TCF3: variants seen among roughly 807,000 people sequenced by gnomAD.
The protein encoded by TCF3 is transcription factor 3.
A neutral mutation model predicts 72.3 loss-of-function variants in TCF3; 54 were observed. The ratio of observed to expected loss-of-function variants is 0.75; its 90% CI spans 0.60 to 0.94. The LOEUF is 0.94. TCF3 is among the 40% of genes least tolerant of loss of function. TCF3 has a pLI of 0.00. For missense variants in TCF3, 1,078 were observed against 934.4 expected, an observed-to-expected ratio of 1.15 and a Z score of -2.00; for synonymous variants, 525 against 412.6, an observed-to-expected ratio of 1.27 and a Z score of -3.30.
Position 1,609,668 on chromosome 19 carries a change from CGTAGGGGAA to C in TCF3, c.*2030_*2038del. 4.4e-6 allele frequency: 1 copy of C among 224,790 alleles called. No homozygotes were observed. Among genetic ancestry groups the C allele is most frequent in the Non-Finnish European group, 8.8e-6 (1 of 113,318 alleles). The allele number at this position is 224,790 out of a possible 1,614,324, so 13.9% of individuals were successfully genotyped here. On this transcript the variant is annotated 3_prime_UTR_variant, in exon 19 of 19. Coordinates refer to ENST00000262965, the MANE Select transcript of TCF3 (RefSeq NM_003200.5). The stretch of plus-strand genomic sequence containing the variant: ...CCCTTAAGAGATCAAACTCCCAGGG[CGTAGGGGAA>C]GCCACCGAGAAGGGAGAGGCAGCCG...
chr19:1,622,426 GTGGGCGGT>G lies in TCF3; in HGVS notation c.550-19_550-12del. On this transcript the variant is annotated splice_polypyrimidine_tract_variant and intron_variant, in intron 8 of 18. Coordinates refer to ENST00000262965, the MANE Select transcript of TCF3 (RefSeq NM_003200.5). ...GCTGGGTGGGTACACCTGCGGGCGG[GTGGGCGGT>G]GGGGGGTGCAGTCAGGACGGAGGGA... 7.4e-7 allele frequency: 1 copy of G among 1,350,770 alleles called. No individual in the cohort carries two copies. The highest frequency in any genetic ancestry group is 9.9e-7 in the Non-Finnish European group (1 of 1,012,062). The allele number at this position is 1,350,770 out of a possible 1,614,324, so 83.7% of individuals were successfully genotyped here.
Position 1,615,709 on chromosome 19 carries a change from C to T in TCF3, c.1563G>A (p.Leu521=), listed in dbSNP as rs1242183808. Residue 521 remains leucine, a synonymous_variant, in exon 17 of 19, where the codon CTG becomes CTA. Coordinates refer to ENST00000262965, the MANE Select transcript of TCF3 (RefSeq NM_003200.5). The surrounding 1 kb of genome is among the most constrained non-coding windows in gnomAD (Gnocchi z 7.3). ...ACCTGGTCCGGGCCCGGGGGGCCTTCAGCTCCTTCTTCTCCTCCTCCGAGT... is the reference window on the plus strand; with the variant it reads ...ACCTGGTCCGGGCCCGGGGGGCCTTTAGCTCCTTCTTCTCCTCCTCCGAGT... ...ADHSEEEKKE[L]KAPRARTSPD... 3 of 1,613,408 alleles carry T rather than the reference C, an allele frequency of 1.9e-6. No homozygotes were observed. Among genetic ancestry groups the T allele is most frequent in the Non-Finnish European group, 1.7e-6 (2 of 1,179,634 alleles).
At chr19:1,632,843 G>A in intron 3 of TCF3, among the ~76,000 whole-genome samples, 1 of 152,232 alleles carries the variant, frequency 6.6e-6, no homozygotes, top group East Asian at 1.9e-4. Context: ...CAGCATGAGG[G>A]TGTGGAAGCT....
At chr19:1,639,205 G>A (rs1411028785) in intron 3 of TCF3, among the ~76,000 whole-genome samples, 3 of 152,198 alleles carry the variant, frequency 2.0e-5, no homozygotes, top group Non-Finnish European at 4.4e-5. Context: ...TACCATGCCT[G>A]GCTAATTTTT....
At chr19:1,650,793 A>G (rs924072990) in intron 1 of TCF3, 3 of 230,592 alleles carry the variant, frequency 1.3e-5, no homozygotes, top group Non-Finnish European at 1.7e-5. Context: ...GTCGCCCCCA[A>G]ATTCAACATG....
Position 1,611,698 on chromosome 19 carries a change from G to A in TCF3, c.*9C>T, listed in dbSNP as rs1334137461. The A allele has an allele frequency of 6.2e-7, 1 of 1,611,462 alleles. No individual in the cohort carries two copies. The highest frequency in any genetic ancestry group is 8.5e-7 in the Non-Finnish European group (1 of 1,178,650). Reference sequence around the variant, plus strand: ...AAAGCGGGTGGCTCGTCCCACGGAGGCATACCTTTCACATGTGCCCGGCGG... The same window carrying A: ...AAAGCGGGTGGCTCGTCCCACGGAGACATACCTTTCACATGTGCCCGGCGG... On this transcript the variant is annotated 3_prime_UTR_variant, in exon 19 of 19. Transcript: ENST00000262965.
chr19:1,617,980 G>A (rs1219374483), intron 16 of TCF3, among the ~76,000 whole-genome samples: 1 of 152,164 alleles, frequency 6.6e-6, no homozygotes, highest in Non-Finnish European at 1.5e-5. Context: ...TACTTGGAAA[G>A]TCTGCCTGGA....
rs1182709469 is a variant in TCF3, at chr19:1,627,513, GC to G, written c.299-88del. ...AGTGCCTGCCATGTGCCTACAATAG[GC>G]TCTCAGTAAGTGCACACGACTGAGA... On this transcript the variant is annotated intron_variant, in intron 5 of 18. Coordinates refer to ENST00000262965, the MANE Select transcript of TCF3 (RefSeq NM_003200.5). The G allele has an allele frequency of 4.0e-6, 5 of 1,236,682 alleles. No homozygotes were observed. The East Asian group carries it at 1.2e-4, about 29-fold the overall frequency. The allele number at this position is 1,236,682 out of a possible 1,614,324, so 76.6% of individuals were successfully genotyped here.
intron 11 of TCF3, among the ~76,000 whole-genome samples, chr19:1,621,433 C>G (rs770072750): frequency 6.6e-6 from 1 of 151,888 alleles, no homozygotes. Flanking sequence ...GTGGGTGAGT[C>G]CCCCTCTGGG....
At chr19:1,647,054 C>T (rs999619741) in intron 2 of TCF3, among the ~76,000 whole-genome samples, 12 of 152,142 alleles carry the variant, frequency 7.9e-5, no homozygotes, top group South Asian at 2.1e-4. Context: ...GAGGAAGACA[C>T]GGGATGGAGC....
At position 1,615,569 on chromosome 19, in the gene TCF3, G is replaced by T; in HGVS notation, c.1587-49C>A. 1 of 1,604,952 alleles carries T rather than the reference G, an allele frequency of 6.2e-7. No homozygotes were observed. On this transcript the variant is annotated intron_variant, in intron 17 of 18. Coordinates refer to ENST00000262965, the MANE Select transcript of TCF3 (RefSeq NM_003200.5). The surrounding 1 kb of genome is among the most constrained non-coding windows in gnomAD (Gnocchi z 7.3). ...GGCCAGAGGGAGACAGTGAGGTTGG[G>T]GGAAGAGCGTGGGGCCCGCCGACGG...
At chr19:1,632,536 A>C in intron 3 of TCF3, 131 bp from the exon 4 acceptor site, 1 of 848,556 alleles carries the variant, frequency 1.2e-6, no homozygotes, top group South Asian at 1.7e-5. Flanking sequence ...ACCCAGCCTC[A>C]CCCAGCCCGA....
intron 3 of TCF3, among the ~76,000 whole-genome samples, chr19:1,641,852 CA>C (rs2065290360): frequency 6.6e-6 from 1 of 152,036 alleles, no homozygotes; most frequent in Non-Finnish European, 1.5e-5. Context: ...CTCAACCTCC[CA>C]AAGTGCTGGG....
intron 14 of TCF3, 30 bp downstream of exon 14, chr19:1,619,750 A>AGGGTGGCGTG: frequency 1.1e-6 from 1 of 922,250 alleles, no homozygotes; most frequent in Non-Finnish European, 1.5e-6. Flanking sequence ...CTGTCGGGGA[A>AGGGTGGCGTG]GGGTGGGGTG....
chr19:1,650,538 G>A (rs1274823360), intron 1 of TCF3: 7 of 400,050 alleles, frequency 1.7e-5, no homozygotes, highest in Non-Finnish European at 2.7e-5. Context: ...GGGGGAGGGT[G>A]TGCAAATATA....
intron 3 of TCF3, among the ~76,000 whole-genome samples, chr19:1,644,691 G>T (rs140682022): frequency 2.0e-5 from 3 of 152,282 alleles, no homozygotes; most frequent in Admixed American, 6.5e-5. Context: ...AGCATTCTCA[G>T]GTCCACACGG....
chr19:1,619,745 GGGGAA>G, intron 14 of TCF3, 30 bp downstream of exon 14: 1 of 1,395,438 alleles, frequency 7.2e-7, no homozygotes, highest in Non-Finnish European at 9.8e-7. Flanking sequence ...AAATTCTGTC[GGGGAA>G]GGGTGGGGTG....
At chr19:1,631,260 C>A (rs1368076351) in intron 5 of TCF3, among the ~76,000 whole-genome samples, 1 of 151,144 alleles carries the variant, frequency 6.6e-6, no homozygotes, top group Admixed American at 6.6e-5. Flanking sequence ...GACACCAGGC[C>A]TGAGTCTTCA....
intron 2 of TCF3, among the ~76,000 whole-genome samples, chr19:1,649,328 C>T (rs1010643168): frequency 1.3e-5 from 2 of 152,252 alleles, no homozygotes; most frequent in African/African-American, 4.8e-5. Flanking sequence ...ATGCCCGCAT[C>T]CTCTGCCCAC....
Sources: allele counts gnomAD v4.1 joint callset (sites outside exome capture counted in the v4.1 genomes callset), GRCh38; gene constraint gnomAD v4.1.1; non-coding constraint Gnocchi (gnomAD v3.1); transcripts MANE v1.5; gene names NCBI Gene and HGNC (gene_info 2026-07-23, HGNC 2026-07-21).